Variants in MCM3 observed in about 807,000 individuals in gnomAD.
MCM3 encodes DNA replication licensing factor MCM3.
In MCM3, 59 loss-of-function variants were observed where a neutral mutation model predicts 91.3. The observed-to-expected ratio is 0.65, with a 90% CI of 0.52 to 0.80. The LOEUF (loss-of-function observed/expected upper bound fraction) is 0.80, where lower values mean the gene tolerates loss of function less well. MCM3 is among the 30% of genes least tolerant of loss of function. The pLI, the probability that MCM3 is intolerant of heterozygous loss-of-function variation, is 0.00. For missense variants in MCM3, 919 were observed against 1,035.4 expected (o/e 0.89, Z 1.54); for synonymous variants, 383 against 379.6 (o/e 1.01, Z -0.10).
chr6:52,278,070 C>CAAA (rs61625257), intron 6 of MCM3, among the ~76,000 whole-genome samples: 1,586 of 39,064 alleles, frequency 0.041, 176 homozygotes, highest in Non-Finnish European at 0.045. Context: ...TCCGTCTCAC[C>CAAA]AAAAAAAAAA....
chr6:52,279,792 A>G (rs1765917158), intron 4 of MCM3, among the ~76,000 whole-genome samples, 193 bp from the exon 5 acceptor site: 1 of 152,250 alleles, frequency 6.6e-6, no homozygotes, highest in Admixed American at 6.5e-5. Context: ...GGCAACCCAT[A>G]GTCTGAATGG....
intron 13 of MCM3, among the ~76,000 whole-genome samples, chr6:52,268,545 G>C (rs1253027964): frequency 6.6e-6 from 1 of 152,170 alleles, no homozygotes; most frequent in Non-Finnish European, 1.5e-5. Flanking sequence ...GTGGGAGTGG[G>C]CAACTAGGAA....
In MCM3 at chr6:52,279,526, T is replaced by C; in HGVS notation, c.605A>G (p.Gln202Arg). The C allele has an allele frequency of 5.6e-6, 9 of 1,614,190 alleles. No homozygotes were observed. Among genetic ancestry groups the C allele is most frequent in the Non-Finnish European group, 5.9e-6 (7 of 1,180,034 alleles). The part of the protein sequence containing the change: ...VYKDHQTITI[Q>R]EMPEKAPAGQ... The stretch of plus-strand genomic sequence containing the variant: ...GGCTGGGGCCTTCTCCGGCATCTCC[T>C]GGATGGTGATGGTCTGGTGATCCTT... Residue 202 changes from glutamine to arginine, a missense_variant, in exon 5 of 17, where the codon CAG (glutamine) becomes CGG (arginine). By Grantham distance (43) the Gln-to-Arg change is conservative (BLOSUM62 1). Coordinates refer to ENST00000596288, the MANE Select transcript of MCM3 (RefSeq NM_002388.6).
At chr6:52,270,052 G>A (rs1393922389) in intron 12 of MCM3, among the ~76,000 whole-genome samples, 2 of 152,152 alleles carry the variant, frequency 1.3e-5, no homozygotes, top group African/African-American at 4.8e-5. Flanking sequence ...CAGCCCGGAC[G>A]TGGTGGCTCA....
chr6:52,282,705 A>G lies in MCM3; in HGVS notation c.348T>C (p.Leu116=), dbSNP rs2128284451. Residue 116 remains leucine, a synonymous_variant, in exon 3 of 17, where the codon CTT becomes CTC. Transcript: ENST00000596288. The part of the protein sequence containing the change: ...FGSKHVSPRT[L]TSCFLSCVVC... Reference sequence around the variant, plus strand: ...CCACACAGCTGAGGAAGCAGGAGGTAAGAGTCCGCGGGGAGACGTGCTTGG... The same window carrying G: ...CCACACAGCTGAGGAAGCAGGAGGTGAGAGTCCGCGGGGAGACGTGCTTGG... The G allele has an allele frequency of 6.2e-7, 1 of 1,613,852 alleles. No individual in the cohort carries two copies. Among genetic ancestry groups the G allele is most frequent in the East Asian group, 2.2e-5 (1 of 44,878 alleles).
chr6:52,269,019 C>T (rs1333868014), intron 13 of MCM3, 67 bp downstream of exon 13: 1 of 1,516,310 alleles, frequency 6.6e-7, no homozygotes, highest in East Asian at 2.3e-5. Context: ...CCACGGAAGG[C>T]TGGGAAGCCC....
At chr6:52,267,173 A>ACTG (rs1386652468) in intron 14 of MCM3, among the ~76,000 whole-genome samples, 1 of 139,220 alleles carries the variant, frequency 7.2e-6, no homozygotes, top group Non-Finnish European at 1.5e-5. Context: ...ATCTCCACTC[A>ACTG]CTGCAAGCTC....
intron 14 of MCM3, among the ~76,000 whole-genome samples, chr6:52,267,422 C>A (rs1764730778): frequency 6.6e-6 from 1 of 151,678 alleles, no homozygotes; most frequent in South Asian, 2.1e-4. Flanking sequence ...ATCCTCAAAC[C>A]CCGCAGGTCT....
At position 52,266,066 on chromosome 6, in the gene MCM3, C is replaced by T. The variant is rs1764619284; in HGVS notation, c.2228+9G>A. On this transcript the variant is annotated intron_variant, in intron 16 of 16. Coordinates refer to ENST00000596288, the MANE Select transcript of MCM3 (RefSeq NM_002388.6). ...TTCTTGAAGGGGCAGGAGCAACATC[C>T]GTACTCACCTGGATTCACTCAACTC... 9 of 1,613,032 alleles carry T rather than the reference C, an allele frequency of 5.6e-6. No individual in the cohort carries two copies. Among genetic ancestry groups the T allele is most frequent in the Admixed American group, 5.0e-5 (3 of 60,002 alleles).
At position 52,276,430 on chromosome 6, in the gene MCM3, G is replaced by A. The variant is rs753070039; in HGVS notation, c.1212C>T (p.Gly404=). 23 of 1,614,084 alleles carry A rather than the reference G, an allele frequency of 1.4e-5. No homozygotes were observed. Among genetic ancestry groups the A allele is most frequent in the South Asian group, 4.4e-5 (4 of 91,070 alleles). ...EAGAMVLADR[G]VVCIDEFDKM... ...TGTCAAATTCATCAATGCAAACCACGCCTCGGTCAGCCAGGACCATGGCCC... is the reference window on the plus strand; with the variant it reads ...TGTCAAATTCATCAATGCAAACCACACCTCGGTCAGCCAGGACCATGGCCC... The change falls in exon 9 of 17, where the codon GGC becomes GGT. Residue 404 remains glycine (G), a synonymous_variant. Transcript: ENST00000596288.
Position 52,276,442 on chromosome 6 carries a change from C to G in MCM3, c.1200G>C (p.Leu400=). The change falls in exon 9 of 17, where the codon CTG becomes CTC. Residue 400 remains leucine, a synonymous_variant. Transcript: ENST00000596288. Reference sequence around the variant, plus strand: ...CAATGCAAACCACGCCTCGGTCAGCCAGGACCATGGCCCCTGCTTCCAGAC... The same window carrying G: ...CAATGCAAACCACGCCTCGGTCAGCGAGGACCATGGCCCCTGCTTCCAGAC... ...ERRLEAGAMV[L]ADRGVVCIDE... 3 of 1,614,236 alleles carry G rather than the reference C, an allele frequency of 1.9e-6. No homozygotes were observed. The South Asian group carries it at 3.3e-5, about 18-fold the overall frequency.
intron 9 of MCM3, among the ~76,000 whole-genome samples, chr6:52,275,148 C>T (rs1765455429): frequency 2.0e-5 from 3 of 152,204 alleles, no homozygotes; most frequent in African/African-American, 4.8e-5. Context: ...ACCATAGCTA[C>T]CAAGAGCTCC....
chr6:52,267,999 A>T (rs1196299121), intron 13 of MCM3, 31 bp from the exon 14 acceptor site: 3 of 1,613,670 alleles, frequency 1.9e-6, no homozygotes, highest in African/African-American at 1.3e-5. Flanking sequence ...GCTGGGCTAG[A>T]GGGGTCACTG....
In MCM3 at chr6:52,264,238, G is replaced by GAAAA. The variant is rs1764461356; in HGVS notation, c.*349_*350insTTTT. On this transcript the variant is annotated 3_prime_UTR_variant, in exon 17 of 17. Transcript: ENST00000596288. ...AGAAAAAAAACAAAACAAAAAAACAGCAAACAGAAAACAGTTGTGCCCCCA... is the reference window on the plus strand; with the variant it reads ...AGAAAAAAAACAAAACAAAAAAACAGAAAACAAACAGAAAACAGTTGTGCCCCCA... The GAAAA allele has an allele frequency of 4.2e-6, 1 of 240,102 alleles. No individual in the cohort carries two copies. The highest frequency in any genetic ancestry group is 2.3e-5 in the African/African-American group (1 of 43,952). 14.9% of individuals were successfully genotyped at this position (240,102 alleles called of 1,614,324 possible). A position where few individuals can be genotyped will look rare whatever the true frequency, so the allele number is the denominator to read the frequency against.
Position 52,269,159 on chromosome 6 carries a change from C to T in MCM3, c.1895G>A (p.Arg632His), listed in dbSNP as rs141440135. ...IRLATAHAKARMSKTVDLQDA... is the reference protein window; with the variant it reads ...IRLATAHAKAHMSKTVDLQDA... The stretch of plus-strand genomic sequence containing the variant: ...CTGCAGGTCCACAGTCTTGCTCATG[C>T]GGGCCTTCGCATGGGCTGTGGCCAG... The change falls in exon 13 of 17, where the codon CGC (arginine) becomes CAC (histidine). Residue 632 changes from arginine (R) to histidine (H), a missense_variant. Physicochemically the swap from Arg to His is conservative, Grantham distance 29. Transcript: ENST00000596288. 5.9e-5 allele frequency: 96 copies of T among 1,614,006 alleles called. No homozygotes were observed. The highest frequency in any genetic ancestry group is 1.0e-4 in the Admixed American group (6 of 60,028).
chr6:52,276,501 C>G (rs755499998), intron 8 of MCM3, 25 bp from the exon 9 acceptor site: 5 of 1,592,916 alleles, frequency 3.1e-6, no homozygotes, highest in Non-Finnish European at 4.3e-6. Context: ...GGTAAAAATA[C>G]GTGCTACAGT....
intron 9 of MCM3, 38 bp from the exon 10 acceptor site, chr6:52,273,954 C>A: frequency 6.5e-7 from 1 of 1,529,038 alleles, no homozygotes; most frequent in South Asian, 1.2e-5. Context: ...GACATGACAT[C>A]AATAGGAAGA....
At chr6:52,281,350 T>C (rs1766076618) in intron 4 of MCM3, among the ~76,000 whole-genome samples, 1 of 152,202 alleles carries the variant, frequency 6.6e-6, no homozygotes, top group African/African-American at 2.4e-5. Context: ...TCCTTAATTT[T>C]CTAAAATGAA....
intron 6 of MCM3, 81 bp from the exon 7 acceptor site, chr6:52,277,769 T>A: frequency 7.5e-7 from 1 of 1,330,438 alleles, no homozygotes; most frequent in Non-Finnish European, 1.0e-6. Context: ...CTTTGGCCTA[T>A]AGAAAATACT....
Sources: allele counts gnomAD v4.1 joint callset (sites outside exome capture counted in the v4.1 genomes callset), GRCh38; gene constraint gnomAD v4.1.1; transcripts MANE v1.5; gene names NCBI Gene and HGNC (gene_info 2026-07-23, HGNC 2026-07-21).